Variants in RAB30 observed in about 807,000 individuals in gnomAD.
RAB30 encodes the protein ras-related protein Rab-30.
A neutral mutation model predicts 25.1 loss-of-function variants in RAB30; 9 were observed. The observed-to-expected ratio is 0.36, with a 90% CI of 0.22 to 0.63. The LOEUF is 0.63. Ranked by LOEUF, RAB30 falls within the 20% of genes least tolerant of loss-of-function variation. The probability of loss-of-function intolerance (pLI) is 0.69; values close to 1 mark genes in which losing one functional copy is unlikely to be tolerated. For synonymous variants in RAB30, 77 were observed against 86.4 expected (o/e 0.89, Z 0.60); for missense variants, 140 against 243.5 (o/e 0.58, Z 2.83).
intron 1 of RAB30, among the ~76,000 whole-genome samples, chr11:83,062,877 C>G (rs760684771): frequency 6.6e-6 from 1 of 151,980 alleles, no homozygotes; most frequent in Non-Finnish European, 1.5e-5. Context: ...GTGGTGGGCA[C>G]CTGTAATCCC....
At chr11:83,020,005 G>T (rs1857530985) in intron 1 of RAB30, among the ~76,000 whole-genome samples, 1 of 152,240 alleles carries the variant, frequency 6.6e-6, no homozygotes, top group Non-Finnish European at 1.5e-5. Flanking sequence ...GCGTGGCCAG[G>T]ACTGCATGTT....
intron 1 of RAB30, among the ~76,000 whole-genome samples, chr11:83,016,943 C>A (rs73510118): frequency 0.018 from 2,750 of 152,234 alleles, 69 homozygotes; most frequent in African/African-American, 0.056. Flanking sequence ...AATGGTTGCC[C>A]TTTCATGTTC....
chr11:82,998,730 A>G lies in RAB30; in HGVS notation c.-8-1406T>C, dbSNP rs190193897. ...AATAATGAAAAAAAAAAAAAGCTAA[A>G]TAACAATTTGCGCCAACAGTGCAAG... On this transcript the variant is annotated intron_variant, in intron 1 of 4. Coordinates refer to ENST00000527633, the MANE Select transcript of RAB30 (RefSeq NM_001286060.2). Among the ~76,000 whole-genome samples the G allele has an allele frequency of 9.8e-4, 149 of 152,180 alleles. 1 individual carries two copies. Among genetic ancestry groups the G allele is most frequent in the South Asian group, 4.8e-3 (23 of 4,818 alleles).
intron 1 of RAB30, among the ~76,000 whole-genome samples, chr11:83,009,511 A>T (rs931120226): frequency 3.3e-5 from 5 of 152,260 alleles, no homozygotes; most frequent in Non-Finnish European, 7.3e-5. Flanking sequence ...TGTAAAATTT[A>T]GCAACAGATG....
At chr11:83,012,806 G>A (rs79861007) in intron 1 of RAB30, among the ~76,000 whole-genome samples, 31 of 152,222 alleles carry the variant, frequency 2.0e-4, no homozygotes, top group East Asian at 1.7e-3. Context: ...CCAGCACCTC[G>A]TATCTTTCAG....
chr11:83,065,475 G>C (rs952061433), intron 1 of RAB30, among the ~76,000 whole-genome samples: 1 of 152,082 alleles, frequency 6.6e-6, no homozygotes. Flanking sequence ...TGCCCAGGGT[G>C]GTCTTGAACT....
intron 1 of RAB30, chr11:83,041,131 G>T (rs1858101817): frequency 6.6e-6 from 1 of 152,310 alleles, no homozygotes; most frequent in African/African-American, 2.4e-5. Context: ...AGGAGGTGGA[G>T]GTTGCAGTGA....
At chr11:83,019,945 G>A (rs1565279141) in intron 1 of RAB30, among the ~76,000 whole-genome samples, 1 of 152,228 alleles carries the variant, frequency 6.6e-6, no homozygotes, top group Non-Finnish European at 1.5e-5. Context: ...TGATGACAGT[G>A]GTGAGCTGTC....
intron 4 of RAB30, among the ~76,000 whole-genome samples, chr11:82,983,076 G>GA (rs1046625029): frequency 1.8e-4 from 26 of 147,540 alleles, no homozygotes; most frequent in Non-Finnish European, 9.0e-5. Flanking sequence ...AAGCGAAGCA[G>GA]AAAAAAAAAG....
chr11:83,032,619 T>A (rs1857893490), intron 1 of RAB30, among the ~76,000 whole-genome samples: 1 of 152,248 alleles, frequency 6.6e-6, no homozygotes, highest in South Asian at 2.1e-4. Flanking sequence ...CATGTGCTAC[T>A]GCATCTGGTC....
chr11:82,996,055 A>G lies in RAB30; in HGVS notation c.93+1169T>C, dbSNP rs1291550277. On this transcript the variant is annotated intron_variant, in intron 2 of 4. Transcript: ENST00000527633. ...TAAAACCAGCTGGAGTTTCCAATATATCTCCATGGCAGTTGACTGAGCCCA... is the reference window on the plus strand; with the variant it reads ...TAAAACCAGCTGGAGTTTCCAATATGTCTCCATGGCAGTTGACTGAGCCCA... Among the ~76,000 whole-genome samples the G allele has an allele frequency of 5.3e-5, 8 of 152,304 alleles. No homozygotes were observed. In the East Asian group the frequency reaches 1.5e-3, roughly 29 times the overall value.
intron 1 of RAB30, among the ~76,000 whole-genome samples, chr11:83,048,737 G>A (rs1417131191): frequency 1.3e-5 from 2 of 152,234 alleles, no homozygotes; most frequent in Non-Finnish European, 2.9e-5. Context: ...TGAGAGGTAA[G>A]GAGCCTGCAT....
chr11:83,062,143 G>A (rs1337412487), intron 1 of RAB30, among the ~76,000 whole-genome samples: 1 of 152,140 alleles, frequency 6.6e-6, no homozygotes, highest in Admixed American at 6.5e-5. Flanking sequence ...GTTTCAGAAA[G>A]CCTACCTAGG....
chr11:83,070,959 TA>T (rs1156308360), intron 1 of RAB30, among the ~76,000 whole-genome samples: 1 of 152,226 alleles, frequency 6.6e-6, no homozygotes, highest in Non-Finnish European at 1.5e-5. Flanking sequence ...CAATGTAATT[TA>T]AAACACACAA....
intron 1 of RAB30, among the ~76,000 whole-genome samples, chr11:83,027,216 T>C (rs1377268898): frequency 1.3e-5 from 2 of 152,154 alleles, no homozygotes; most frequent in South Asian, 2.1e-4. Flanking sequence ...ACCTGAATGA[T>C]GGGTACATGG....
chr11:83,058,103 C>G (rs1307811090), intron 1 of RAB30, among the ~76,000 whole-genome samples: 1 of 152,192 alleles, frequency 6.6e-6, no homozygotes, highest in Non-Finnish European at 1.5e-5. Context: ...TTCAAGAAAA[C>G]TACTAATTAC....
At chr11:83,027,134 T>A (rs1857739270) in intron 1 of RAB30, among the ~76,000 whole-genome samples, 1 of 152,166 alleles carries the variant, frequency 6.6e-6, no homozygotes, top group South Asian at 2.1e-4. Flanking sequence ...CAGCATTTGC[T>A]TGAAATAATC....
chr11:83,054,644 T>C (rs534316253), intron 1 of RAB30, among the ~76,000 whole-genome samples: 7 of 152,032 alleles, frequency 4.6e-5, no homozygotes, highest in African/African-American at 1.4e-4. Flanking sequence ...AAGGATCACT[T>C]GAGCCCAAGA....
At position 82,982,843 on chromosome 11, in the gene RAB30, CAG is replaced by C. The variant is rs569908743; in HGVS notation, c.362-430_362-429del. Among the ~76,000 whole-genome samples the C allele has an allele frequency of 2.7e-3, 410 of 152,064 alleles. 1 individual carries two copies. The highest frequency in any genetic ancestry group is 9.3e-3 in the African/African-American group (386 of 41,504). On this transcript the variant is annotated intron_variant, in intron 4 of 4. Coordinates refer to ENST00000527633, the MANE Select transcript of RAB30 (RefSeq NM_001286060.2). ...TGCCACTGCACTCTAGCTTGGGTGA[CAG>C]AGTGAGACTCTGTCTCAAAAAAAAT...
Sources: gnomAD v4.1 joint callset for allele counts (sites outside exome capture counted in the v4.1 genomes callset) on GRCh38, gnomAD v4.1.1 for gene constraint, MANE v1.5 for transcripts, NCBI Gene and HGNC (gene_info 2026-07-23, HGNC 2026-07-21) for gene names.